The following FANCI variants were observed in gnomAD, a reference collection of about 807,000 sequenced individuals.
FANCI encodes the protein FA complementation group I, also known as Fanconi anemia group I protein.
Under a neutral mutation model 176.1 loss-of-function variants are expected in FANCI, and 156 were observed. The observed-to-expected ratio is 0.89, with a 90% CI of 0.78 to 1.01. The LOEUF is 1.01. Ranked by LOEUF, FANCI falls within the 50% of genes least tolerant of loss-of-function variation. The pLI is 0.00. For synonymous variants in FANCI, 613 were observed against 541.7 expected (o/e 1.13, Z -1.83); for missense variants, 1,678 against 1,534.1 (o/e 1.09, Z -1.57).
At chr15:89,254,015 A>T (rs560519912) in intron 2 of FANCI, among the ~76,000 whole-genome samples, 6 of 152,178 alleles carry the variant, frequency 3.9e-5, no homozygotes, top group South Asian at 4.1e-4. Context: ...TTATGTGTAT[A>T]AACATGCATA....
rs374204076 is a variant in FANCI at position 89,270,646 on chromosome 15, T to G, written c.882+2121T>G. Among the ~76,000 whole-genome samples the G allele has an allele frequency of 2.8e-3, 421 of 152,316 alleles. 2 individuals are homozygous for G. The highest frequency in any genetic ancestry group is 9.6e-3 in the African/African-American group (399 of 41,584). On this transcript the variant is annotated intron_variant, in intron 10 of 37. Coordinates refer to ENST00000310775, the MANE Select transcript of FANCI (RefSeq NM_001113378.2). ...GTAAAAAGAGCCTCTCCTTTCCCTA[T>G]TGTTTTGAATATCATTATGCACTCA...
At chr15:89,290,663 C>T (rs2054026918) in intron 19 of FANCI, 1 of 203,936 alleles carries the variant, frequency 4.9e-6, no homozygotes, top group African/African-American at 2.3e-5. Flanking sequence ...ACATGGATGT[C>T]TTTTACATTC....
chr15:89,257,647 A>G (rs891696759), intron 2 of FANCI, among the ~76,000 whole-genome samples: 1 of 152,168 alleles, frequency 6.6e-6, no homozygotes, highest in African/African-American at 2.4e-5. Context: ...GACCTCAACT[A>G]ATCTCACCTA....
intron 21 of FANCI, 26 bp from the exon 22 acceptor site, chr15:89,292,916 G>C: frequency 6.2e-7 from 1 of 1,614,082 alleles, no homozygotes; most frequent in Non-Finnish European, 8.5e-7. Flanking sequence ...TTAGTAGCTT[G>C]TTAATTTTTA....
rs1286353775 is a variant in FANCI, at chr15:89,292,963, C to T, written c.2191C>T (p.Gln731Ter). 3 of 1,613,946 alleles carry T rather than the reference C, an allele frequency of 1.9e-6. No homozygotes were observed. The highest frequency in any genetic ancestry group is 1.7e-6 in the Non-Finnish European group (2 of 1,180,024). ...TTAGGATAAATCAGCAGATTTTTCT[C>T]AGAGCACCAGTATTGGCATAAAAAA... is the stretch of plus-strand genomic sequence containing the variant. ...FELDKSADFSQSTSIGIKNNI... is the reference protein window; with the variant it reads ...FELDKSADFS Residue 731 changes from glutamine to a stop codon, truncating the protein, a stop_gained, in exon 22 of 38, where the codon CAG (glutamine) becomes TAG (stop). Transcript: ENST00000310775. LOFTEE classifies it high-confidence loss of function.
intron 35 of FANCI, 81 bp downstream of exon 35, chr15:89,313,053 GACC>G (rs2055033712): frequency 7.7e-7 from 1 of 1,299,976 alleles, no homozygotes; most frequent in Middle Eastern, 1.8e-4. Flanking sequence ...GTGACAAAAA[GACC>G]ACGTGTTGTA....
chr15:89,300,290 C>G lies in FANCI; in HGVS notation c.2804-10C>G. 1 of 1,611,650 alleles carries G rather than the reference C, an allele frequency of 6.2e-7. No individual in the cohort carries two copies. The highest frequency in any genetic ancestry group is 1.1e-5 in the South Asian group (1 of 90,888). ...ATCAAAGAAGACAAGAGTTTCTTTT[C>G]CATTCCTAGATGTCACAGATAAGGA... On this transcript the variant is annotated splice_polypyrimidine_tract_variant and intron_variant, in intron 25 of 37. Transcript: ENST00000310775.
intron 7 of FANCI, 34 bp downstream of exon 7, chr15:89,263,494 C>A: frequency 6.4e-7 from 1 of 1,555,866 alleles, no homozygotes; most frequent in Non-Finnish European, 8.9e-7. Context: ...CTTTGTGTAT[C>A]CTGCTTTGTG....
At chr15:89,304,504 C>T (rs2351003) in intron 28 of FANCI, among the ~76,000 whole-genome samples, 66,099 of 152,030 alleles carry the variant, frequency 0.43, 14,798 homozygotes, top group African/African-American at 0.54. Context: ...GTTTCCTTGG[C>T]GGGGCAAGTT....
At chr15:89,315,969 C>T (rs1001644805) in intron 37 of FANCI, among the ~76,000 whole-genome samples, 8 of 152,326 alleles carry the variant, frequency 5.3e-5, no homozygotes, top group African/African-American at 1.9e-4. Context: ...ACTCCCATTT[C>T]AAAACTGGAA....
chr15:89,311,059 T>C (rs961123501), intron 34 of FANCI, among the ~76,000 whole-genome samples: 2 of 151,396 alleles, frequency 1.3e-5, no homozygotes, highest in Non-Finnish European at 2.9e-5. Context: ...AGTTCGAAAC[T>C]AGCCCGGCCA....
chr15:89,316,488 G>C lies in FANCI; in HGVS notation c.*29G>C. ...AAATGCCTGAGTTAATGTGAACTTT[G>C]GGGCTTCTGCTTCATTTTTACCCAA... On this transcript the variant is annotated 3_prime_UTR_variant, in exon 38 of 38. Coordinates refer to ENST00000310775, the MANE Select transcript of FANCI (RefSeq NM_001113378.2). 1 of 1,591,824 alleles carries C rather than the reference G, an allele frequency of 6.3e-7. No individual in the cohort carries two copies. The highest frequency in any genetic ancestry group is 8.6e-7 in the Non-Finnish European group (1 of 1,167,088).
At chr15:89,244,795 A>T (rs2051871721) in intron 1 of FANCI, among the ~76,000 whole-genome samples, 1 of 152,156 alleles carries the variant, frequency 6.6e-6, no homozygotes. Context: ...CTGAATCCCA[A>T]AAGTTGTTCA....
Position 89,306,127 on chromosome 15 carries a change from G to A in FANCI, c.3470G>A (p.Ser1157Asn). Residue 1157 changes from serine (S) to asparagine (N), a missense_variant, in exon 32 of 38, where the codon AGC becomes AAC. Transcript: ENST00000310775. Reference protein sequence around the residue: ...ELVQTALPSGSCVDTLLKDLC... With the variant: ...ELVQTALPSGNCVDTLLKDLC... The stretch of plus-strand genomic sequence containing the variant: ...GTGCAGACAGCTCTGCCATCAGGCA[G>A]CTGTGTGGACACCTTGTTAAAGGAC... The A allele has an allele frequency of 6.2e-7, 1 of 1,614,180 alleles. No homozygotes were observed. Among genetic ancestry groups the A allele is most frequent in the South Asian group, 1.1e-5 (1 of 91,092 alleles).
chr15:89,291,261 T>G (rs1412722027), intron 19 of FANCI, among the ~76,000 whole-genome samples: 1 of 152,198 alleles, frequency 6.6e-6, no homozygotes, highest in African/African-American at 2.4e-5. Context: ...GTACAGATAC[T>G]TTTATAAAAA....
chr15:89,280,742 A>T (rs1294217558), intron 14 of FANCI, among the ~76,000 whole-genome samples: 7 of 152,172 alleles, frequency 4.6e-5, no homozygotes, highest in African/African-American at 7.2e-5. Flanking sequence ...CTTTAAAAAA[A>T]TTTTTTTACT....
At chr15:89,305,044 G>T (rs2054664431) in intron 28 of FANCI, 71 bp from the exon 29 acceptor site, 3 of 1,591,276 alleles carry the variant, frequency 1.9e-6, no homozygotes, top group Non-Finnish European at 2.6e-6. Flanking sequence ...CCAAAGTGCT[G>T]GGATTACAGG....
intron 1 of FANCI, among the ~76,000 whole-genome samples, chr15:89,246,357 A>G (rs1407087513): frequency 1.3e-5 from 2 of 152,220 alleles, no homozygotes; most frequent in East Asian, 3.8e-4. Context: ...AATCTGCACA[A>G]AGATGCTAGG....
chr15:89,255,699 G>A, intron 2 of FANCI, among the ~76,000 whole-genome samples: 1 of 152,176 alleles, frequency 6.6e-6, no homozygotes, highest in East Asian at 1.9e-4. Context: ...CTGTTAACTT[G>A]GTAGTTACAG....
Sources: gnomAD v4.1 joint callset for allele counts (sites outside exome capture counted in the v4.1 genomes callset) on GRCh38, gnomAD v4.1.1 for gene constraint, MANE v1.5 for transcripts, NCBI Gene and HGNC (gene_info 2026-07-23, HGNC 2026-07-21) for gene names.